Variants in GRIK4 observed in about 807,000 individuals in gnomAD.
GRIK4 encodes the protein glutamate receptor ionotropic, kainate 4.
In GRIK4, 40 loss-of-function variants were observed where a neutral mutation model predicts 104.9. That is an observed-to-expected ratio of 0.38 (90% CI 0.30 to 0.50). The LOEUF is 0.50. GRIK4 is among the 20% of genes least tolerant of loss of function. GRIK4 has a pLI of 0.93. For synonymous variants in GRIK4, 485 were observed against 524.9 expected, an observed-to-expected ratio of 0.92 and a Z score of 1.04; for missense variants, 1,047 against 1,308.1, an observed-to-expected ratio of 0.80 and a Z score of 3.08.
At chr11:120,737,763 G>A (rs1199849402) in intron 3 of GRIK4, among the ~76,000 whole-genome samples, 10 of 152,074 alleles carry the variant, frequency 6.6e-5, no homozygotes, top group African/African-American at 9.7e-5. Flanking sequence ...TGGAGAGGAG[G>A]TAGAGGCTAC....
chr11:120,802,958 G>A, intron 4 of GRIK4, 101 bp downstream of exon 4: 2 of 1,013,588 alleles, frequency 2.0e-6, no homozygotes, highest in Non-Finnish European at 3.0e-6. Context: ...TGAGATATCT[G>A]ATGTCGATAT....
intron 3 of GRIK4, among the ~76,000 whole-genome samples, chr11:120,680,975 C>T (rs10790398): frequency 0.46 from 69,687 of 151,932 alleles, 16,353 homozygotes; most frequent in East Asian, 0.55. Flanking sequence ...TGTGCTTGGC[C>T]CAGCATCACA....
intron 2 of GRIK4, among the ~76,000 whole-genome samples, chr11:120,659,294 G>T (rs1949772813): frequency 6.6e-6 from 1 of 152,274 alleles, no homozygotes; most frequent in Non-Finnish European, 1.5e-5. Context: ...GGTGGGGCTG[G>T]TTTTCAGCGG....
rs1300020815 is a variant in GRIK4, at chr11:120,902,703, T to C, written c.1273-2587T>C. Among the ~76,000 whole-genome samples the C allele has an allele frequency of 6.6e-6, 1 of 152,006 alleles. No individual in the cohort carries two copies. Among genetic ancestry groups the C allele is most frequent in the Non-Finnish European group, 1.5e-5 (1 of 67,988 alleles). ...CAAATCGGAAAACATTGGAGGGTGA[T>C]TGTGTGGGCCCTGGCATGAGAGCAG... is the stretch of plus-strand genomic sequence containing the variant. On this transcript the variant is annotated intron_variant, in intron 12 of 20. Coordinates refer to ENST00000527524, the MANE Select transcript of GRIK4 (RefSeq NM_014619.5). The surrounding 1 kb of genome is among the most constrained non-coding windows in gnomAD (Gnocchi z 4.5).
At chr11:120,706,531 G>A (rs9630201) in intron 3 of GRIK4, among the ~76,000 whole-genome samples, 18,189 of 152,122 alleles carry the variant, frequency 0.12, 2,302 homozygotes, top group African/African-American at 0.32. Flanking sequence ...TGTAGAGAAT[G>A]GGATGGATGG....
At chr11:120,702,861 G>A (rs562505174) in intron 3 of GRIK4, among the ~76,000 whole-genome samples, 6 of 152,348 alleles carry the variant, frequency 3.9e-5, no homozygotes, top group African/African-American at 1.4e-4. Context: ...GCAGAAAGCA[G>A]GAAGGAAGAT....
chr11:120,711,452 T>A (rs1253065463), intron 3 of GRIK4, among the ~76,000 whole-genome samples: 1 of 151,982 alleles, frequency 6.6e-6, no homozygotes, highest in Non-Finnish European at 1.5e-5. Context: ...GCGGGACCCA[T>A]CCCCCTGGTC....
chr11:120,905,516 G>GCCGTT lies in GRIK4; in HGVS notation c.1476+23_1476+24insCCGTT. 2 of 1,379,978 alleles carry GCCGTT rather than the reference G, an allele frequency of 1.4e-6. No individual in the cohort carries two copies. The highest frequency in any genetic ancestry group is 2.1e-6 in the Non-Finnish European group (2 of 973,842). The allele number at this position is 1,379,978 out of a possible 1,614,324, so 85.5% of individuals were successfully genotyped here. ...AGGGTAAGGAGAGGACAAGTGATCT[G>GCCGTT]GGCCTGAGGGTGGGCTGGGAGGGAT... On this transcript the variant is annotated intron_variant, in intron 13 of 20. Coordinates refer to ENST00000527524, the MANE Select transcript of GRIK4 (RefSeq NM_014619.5). This position sits in a 1 kb window ranked among gnomAD's most constrained non-coding sequence, Gnocchi z 5.1.
intron 13 of GRIK4, among the ~76,000 whole-genome samples, chr11:120,927,337 C>T (rs1038848647): frequency 6.6e-6 from 1 of 152,100 alleles, no homozygotes; most frequent in Non-Finnish European, 1.5e-5. Context: ...GAGGCCAAGG[C>T]AGGCTGATCA....
chr11:120,593,828 C>T (rs1323031835), intron 1 of GRIK4, among the ~76,000 whole-genome samples: 1 of 152,202 alleles, frequency 6.6e-6, no homozygotes, highest in Non-Finnish European at 1.5e-5. Context: ...GTAAATGGCA[C>T]AATTGTCCAC....
At position 120,630,384 on chromosome 11, in the gene GRIK4, A is replaced by T. The variant is rs185003794; in HGVS notation, c.-158-23301A>T. On this transcript the variant is annotated intron_variant, in intron 1 of 20. Coordinates refer to ENST00000527524, the MANE Select transcript of GRIK4 (RefSeq NM_014619.5). ...GAAACATGCTTGAAGAAGAGCAGTG[A>T]ATAAGAATCTCTTTGGGTTGCACGT... Among the ~76,000 whole-genome samples the T allele has an allele frequency of 3.7e-3, 562 of 152,378 alleles. 6 individuals are homozygous for T. Among genetic ancestry groups the T allele is most frequent in the African/African-American group, 0.012 (509 of 41,590 alleles).
At chr11:120,545,664 G>C (rs1591685618) in intron 1 of GRIK4, among the ~76,000 whole-genome samples, 1 of 152,334 alleles carries the variant, frequency 6.6e-6, no homozygotes, top group East Asian at 1.9e-4. Context: ...AACTACCTCT[G>C]TCTTGTGTGA....
chr11:120,902,778 G>A lies in GRIK4; in HGVS notation c.1273-2512G>A, dbSNP rs558034355. ...ACAGAAGGAGGCAGTGTGACTCTGC[G>A]GACAAAGATGACTAGGTGAGGTGGA... On this transcript the variant is annotated intron_variant, in intron 12 of 20. Transcript: ENST00000527524. This position sits in a 1 kb window ranked among gnomAD's most constrained non-coding sequence, Gnocchi z 4.5. Among the ~76,000 whole-genome samples the A allele has an allele frequency of 4.6e-5, 7 of 152,280 alleles. No individual in the cohort carries two copies. The East Asian group carries it at 5.8e-4, about 13-fold the overall frequency.
At position 120,537,236 on chromosome 11, in the gene GRIK4, T is replaced by C. The variant is rs12795380; in HGVS notation, c.-159+25349T>C. The stretch of plus-strand genomic sequence containing the variant: ...CAACTAGTGGACATGCAGGATCCCT[T>C]GTCTCTTCCATGGTTGCATCGTCCT... On this transcript the variant is annotated intron_variant, in intron 1 of 20. Transcript: ENST00000527524. Among the ~76,000 whole-genome samples, 1,402 of 152,296 alleles carry C rather than the reference T, an allele frequency of 9.2e-3. 10 individuals are homozygous for C. The highest frequency in any genetic ancestry group is 0.02 in the Middle Eastern group (6 of 294).
chr11:120,873,474 C>T (rs1954670018), intron 9 of GRIK4: 2 of 152,430 alleles, frequency 1.3e-5, no homozygotes, highest in Non-Finnish European at 2.9e-5. Flanking sequence ...CTCATACCTC[C>T]CTTCCCCATC....
At chr11:120,749,733 G>A (rs1330912256) in intron 3 of GRIK4, among the ~76,000 whole-genome samples, 1 of 152,186 alleles carries the variant, frequency 6.6e-6, no homozygotes, top group East Asian at 1.9e-4. Flanking sequence ...CAGTTGTAGA[G>A]GAGGGGCCCC....
At chr11:120,635,713 A>G (rs1220899210) in intron 1 of GRIK4, among the ~76,000 whole-genome samples, 1 of 152,234 alleles carries the variant, frequency 6.6e-6, no homozygotes, top group Non-Finnish European at 1.5e-5. Context: ...GCAAAGGAGC[A>G]AGCCAAGGGC....
chr11:120,722,024 GTTAAGTAA>G (rs1231771305), intron 3 of GRIK4, among the ~76,000 whole-genome samples: 1 of 152,124 alleles, frequency 6.6e-6, no homozygotes, highest in Non-Finnish European at 1.5e-5. Flanking sequence ...GCTCAGAGAG[GTTAAGTAA>G]CTTGAGGTAG....
At chr11:120,628,536 C>T (rs1180093168) in intron 1 of GRIK4, among the ~76,000 whole-genome samples, 1 of 152,142 alleles carries the variant, frequency 6.6e-6, no homozygotes, top group Non-Finnish European at 1.5e-5. Context: ...TCCCGAGGGC[C>T]CTCCTGACAA....
Sources: gnomAD v4.1 joint callset for allele counts (sites outside exome capture counted in the v4.1 genomes callset) on GRCh38, gnomAD v4.1.1 for gene constraint, Gnocchi (gnomAD v3.1) non-coding constraint, MANE v1.5 for transcripts, NCBI Gene and HGNC (gene_info 2026-07-23, HGNC 2026-07-21) for gene names.